Variants in AGA observed in about 807,000 individuals in gnomAD.
The protein encoded by AGA is N(4)-(beta-N-acetylglucosaminyl)-L-asparaginase.
AGA carries 31 observed loss-of-function variants against 40.1 expected under a neutral mutation model. The observed-to-expected ratio is 0.77, with a 90% CI of 0.58 to 1.04. The LOEUF (loss-of-function observed/expected upper bound fraction) is 1.04, where lower values mean the gene tolerates loss of function less well. AGA is among the 50% of genes least tolerant of loss of function. The pLI is 0.00. For missense variants in AGA, 445 were observed against 435.4 expected, an observed-to-expected ratio of 1.02 and a Z score of -0.20; for synonymous variants, 148 against 144.0, an observed-to-expected ratio of 1.03 and a Z score of -0.20.
chr4:177,437,290 A>T (rs1309475382), intron 5 of AGA, 115 bp downstream of exon 5: 7 of 785,630 alleles, frequency 8.9e-6, no homozygotes, highest in South Asian at 8.9e-5. Context: ...AGAGAGGCAC[A>T]CTTAATTGGC....
At chr4:177,437,238 C>T (rs941157054) in intron 5 of AGA, 167 bp downstream of exon 5, 16 of 603,070 alleles carry the variant, frequency 2.7e-5, no homozygotes, top group Non-Finnish European at 4.1e-5. Context: ...AAATAATTTG[C>T]CAAATTTTAT....
chr4:177,437,601 T>TA, intron 4 of AGA, 82 bp from the exon 5 acceptor site: 1 of 958,308 alleles, frequency 1.0e-6, no homozygotes, highest in Non-Finnish European at 1.6e-6. Flanking sequence ...CGCTAAACAC[T>TA]AGCAAGAAAC....
At chr4:177,440,175 CTG>C (rs984748851) in intron 2 of AGA, 96 bp downstream of exon 2, 90 of 1,408,940 alleles carry the variant, frequency 6.4e-5, no homozygotes, top group Admixed American at 2.7e-4. Flanking sequence ...GGGTTTTGAT[CTG>C]TGTCAAAACT....
Position 177,437,518 on chromosome 4 carries a change from T to G in AGA, c.509A>C (p.Asn170Thr). The change falls in exon 5 of 9, where the codon AAT becomes ACT. Residue 170 changes from asparagine (N) to threonine (T), a missense_variant and splice_region_variant. Physicochemically the swap from Asn to Thr is moderately conservative, Grantham distance 65. Transcript: ENST00000264595. ...GTATTTTGAGGGATCTGGTATAACA[T>G]TCTGTAAACAAGATTTAAGTTTTAT... Reference protein sequence around the residue: ...ARNCQPNYWRNVIPDPSKYCG... With the variant: ...ARNCQPNYWRTVIPDPSKYCG... 6.3e-7 allele frequency: 1 copy of G among 1,591,480 alleles called. No individual in the cohort carries two copies.
chr4:177,435,646 C>A (rs1736784483), intron 6 of AGA, among the ~76,000 whole-genome samples: 1 of 152,010 alleles, frequency 6.6e-6, no homozygotes, highest in Non-Finnish European at 1.5e-5. Context: ...AAATCTGGCC[C>A]CAGTCTTCCC....
intron 1 of AGA, among the ~76,000 whole-genome samples, chr4:177,442,001 G>C (rs1737034493): frequency 6.6e-6 from 1 of 152,208 alleles, no homozygotes; most frequent in African/African-American, 2.4e-5. Context: ...AATACATTGC[G>C]CTGGGGGCTG....
intron 2 of AGA, 133 bp from the exon 3 acceptor site, chr4:177,439,821 C>T (rs1032739891): frequency 1.3e-6 from 1 of 762,182 alleles, no homozygotes. Context: ...GACAGCACAT[C>T]CACGAAGTTC....
rs1226362869 is a variant in AGA, at chr4:177,434,416, C to T, written c.772G>A (p.Gly258Arg). ...AAGCGCATCAATATATCACCATTCC[C>T]AGTGGCTGCGGCTGCCCCTGCAGTA... is the stretch of plus-strand genomic sequence containing the variant. ...DDTAGAAAATGNGDILMRFLP... is the reference protein window; with the variant it reads ...DDTAGAAAATRNGDILMRFLP... The change falls in exon 7 of 9, where the codon GGG (glycine) becomes AGG (arginine). Residue 258 changes from glycine (G) to arginine (R), a missense_variant. By Grantham distance (125) the Gly-to-Arg change is moderately radical. Coordinates refer to ENST00000264595, the MANE Select transcript of AGA (RefSeq NM_000027.4). 6.2e-7 allele frequency: 1 copy of T among 1,614,172 alleles called. No individual in the cohort carries two copies. The highest frequency in any genetic ancestry group is 1.1e-5 in the South Asian group (1 of 91,078).
chr4:177,441,671 G>T (rs1737017379), intron 1 of AGA, among the ~76,000 whole-genome samples: 1 of 152,276 alleles, frequency 6.6e-6, no homozygotes, highest in South Asian at 2.1e-4. Context: ...CCAGCAGTTA[G>T]ATCACAGTCA....
At chr4:177,440,553 T>G (rs1736965823) in intron 1 of AGA, 127 bp from the exon 2 acceptor site, 1 of 1,043,000 alleles carries the variant, frequency 9.6e-7, no homozygotes. Context: ...TTTAACACAT[T>G]AGTTTATCAA....
chr4:177,441,681 A>G (rs1300289972), intron 1 of AGA, among the ~76,000 whole-genome samples: 1 of 152,202 alleles, frequency 6.6e-6, no homozygotes, highest in East Asian at 1.9e-4. Flanking sequence ...GATCACAGTC[A>G]CAGGAGGTGG....
chr4:177,436,471 T>G, intron 5 of AGA, 120 bp from the exon 6 acceptor site: 1 of 825,336 alleles, frequency 1.2e-6, no homozygotes, highest in Non-Finnish European at 2.0e-6. Flanking sequence ...CCCAAATTCA[T>G]GTCAACATCC....
intron 4 of AGA, among the ~76,000 whole-genome samples, chr4:177,438,391 G>A (rs373258494): frequency 6.6e-6 from 1 of 152,120 alleles, no homozygotes; most frequent in Non-Finnish European, 1.5e-5. Context: ...TACACTGCAC[G>A]TAAAATCTAA....
intron 1 of AGA, among the ~76,000 whole-genome samples, chr4:177,441,960 G>A (rs1211192640): frequency 1.3e-5 from 2 of 152,200 alleles, no homozygotes; most frequent in Non-Finnish European, 2.9e-5. Flanking sequence ...AAAGCACAAA[G>A]GCCATAACTA....
intron 4 of AGA, among the ~76,000 whole-genome samples, chr4:177,437,902 A>G (rs1283102631): frequency 6.6e-6 from 1 of 152,168 alleles, no homozygotes; most frequent in Non-Finnish European, 1.5e-5. Context: ...TCCTTGGCCA[A>G]AGAATTCTGA....
At chr4:177,434,336 T>C in intron 7 of AGA, 46 bp downstream of exon 7, 2 of 1,552,678 alleles carry the variant, frequency 1.3e-6, no homozygotes, top group Non-Finnish European at 1.8e-6. Flanking sequence ...AAGAAAAAAA[T>C]ATCTTCTCCA....
At chr4:177,437,305 A>G in intron 5 of AGA, 100 bp downstream of exon 5, 1 of 853,308 alleles carries the variant, frequency 1.2e-6, no homozygotes, top group Non-Finnish European at 2.0e-6. Context: ...ATTGGCAGTT[A>G]AAACAATCAA....
Position 177,430,950 on chromosome 4 carries a change from C to T in AGA, c.*758G>A. On this transcript the variant is annotated 3_prime_UTR_variant, in exon 9 of 9. Coordinates refer to ENST00000264595, the MANE Select transcript of AGA (RefSeq NM_000027.4). ...AACCCATTTCTTGACTTCTAATTGCCATACCCACCTCTGCACAAGGAATTA... is the reference window on the plus strand; with the variant it reads ...AACCCATTTCTTGACTTCTAATTGCTATACCCACCTCTGCACAAGGAATTA... 1 of 454,022 alleles carries T rather than the reference C, an allele frequency of 2.2e-6. No homozygotes were observed. Among genetic ancestry groups the T allele is most frequent in the South Asian group, 1.6e-5 (1 of 64,470 alleles). The allele number at this position is 454,022 out of a possible 1,614,324, so 28.1% of individuals were successfully genotyped here.
chr4:177,435,920 C>T (rs1736801181), intron 6 of AGA, among the ~76,000 whole-genome samples: 4 of 152,024 alleles, frequency 2.6e-5, no homozygotes, highest in Admixed American at 2.6e-4. Flanking sequence ...TGCACACATA[C>T]ACACACCCCA....
Sources: gnomAD v4.1 joint callset for allele counts (sites outside exome capture counted in the v4.1 genomes callset) on GRCh38, gnomAD v4.1.1 for gene constraint, MANE v1.5 for transcripts, NCBI Gene and HGNC (gene_info 2026-07-23, HGNC 2026-07-21) for gene names.